Variants in AMY2A observed in about 807,000 individuals in gnomAD.
The protein encoded by AMY2A is amylase alpha 2A, also known as pancreatic alpha-amylase.
AMY2A carries 16 observed loss-of-function variants against 43.0 expected under a neutral mutation model. That is an observed-to-expected ratio of 0.37 (90% CI 0.25 to 0.56). The LOEUF (loss-of-function observed/expected upper bound fraction) is 0.56, where lower values mean the gene tolerates loss of function less well. AMY2A is among the 20% of genes least tolerant of loss of function. The pLI, the probability that AMY2A is intolerant of heterozygous loss-of-function variation, is 0.77. For synonymous variants in AMY2A, 70 were observed against 144.6 expected (o/e 0.48, Z 3.70); for missense variants, 212 against 456.8 (o/e 0.46, Z 4.89).
At chr1:103,619,876 A>G in intron 4 of AMY2A, 92 bp downstream of exon 4, 1 of 1,544,262 alleles carries the variant, frequency 6.5e-7, no homozygotes. Context: ...CTGTAGGATA[A>G]GGAATGAGAC....
upstream of AMY2A, chr1:103,617,187 C>A: frequency 1.9e-6 from 2 of 1,050,860 alleles, no homozygotes; most frequent in East Asian, 5.8e-5. Context: ...CAACAGGTCA[C>A]TGTTTAAGGA....
rs760979631 is a variant in AMY2A, at chr1:103,619,839, T to G, written c.744+55T>G. 1.2e-5 allele frequency: 19 copies of G among 1,595,158 alleles called. No homozygotes were observed. In the African/African-American group the frequency reaches 1.8e-4, roughly 15 times the overall value. On this transcript the variant is annotated intron_variant, in intron 4 of 9. Coordinates refer to ENST00000414303, the MANE Select transcript of AMY2A (RefSeq NM_000699.4). ...ATCATCTTATTCGTTAGAAAATTAATGGAAGATTTAATTAAAAATGCAATT... is the reference window on the plus strand; with the variant it reads ...ATCATCTTATTCGTTAGAAAATTAAGGGAAGATTTAATTAAAAATGCAATT...
upstream of AMY2A, chr1:103,616,827 T>G (rs1260098428): frequency 9.5e-5 from 24 of 253,898 alleles, 1 homozygote; most frequent in Admixed American, 3.8e-4. Context: ...GGTGAGTCTG[T>G]GCGGCCAGCA....
chr1:103,623,179 A>G (rs1190781222), intron 7 of AMY2A, among the ~76,000 whole-genome samples: 1 of 104,908 alleles, frequency 9.5e-6, no homozygotes, highest in Admixed American at 8.9e-5. Context: ...ACAAATGAAG[A>G]AACTGAGACA....
chr1:103,617,084 T>G (rs1653096283), upstream of AMY2A: 3 of 1,002,028 alleles, frequency 3.0e-6, no homozygotes, highest in Non-Finnish European at 3.8e-6. Context: ...CCTTTTAATT[T>G]ATGTAAAGTT....
chr1:103,617,095 T>A, upstream of AMY2A: 1 of 978,512 alleles, frequency 1.0e-6, no homozygotes, highest in Non-Finnish European at 1.3e-6. Flanking sequence ...ATGTAAAGTT[T>A]TTTTGTATGC....
chr1:103,620,019 A>T lies in AMY2A; in HGVS notation c.744+235A>T, dbSNP rs1380047135. On this transcript the variant is annotated intron_variant, in intron 4 of 9. Coordinates refer to ENST00000414303, the MANE Select transcript of AMY2A (RefSeq NM_000699.4). ...ATAGTTATGTCTTTACTTTCTTTGG[A>T]TAATGAAACAAGTTAATATTTATCA... is the stretch of plus-strand genomic sequence containing the variant. Among the ~76,000 whole-genome samples the T allele has an allele frequency of 5.3e-5, 8 of 151,330 alleles. No individual in the cohort carries two copies. In the South Asian group the frequency reaches 1.7e-3, roughly 32 times the overall value.
intron 4 of AMY2A, 130 bp downstream of exon 4, chr1:103,619,914 T>A: frequency 1.4e-6 from 2 of 1,469,112 alleles, no homozygotes; most frequent in South Asian, 2.4e-5. Context: ...TTCTTTAACC[T>A]CCTCTTCTTC....
intron 2 of AMY2A, 99 bp from the exon 3 acceptor site, chr1:103,618,812 A>G: frequency 7.3e-7 from 1 of 1,364,750 alleles, no homozygotes; most frequent in Non-Finnish European, 1.0e-6. Context: ...ATCATGAAAT[A>G]TTTTGGAGTT....
chr1:103,616,830 G>A (rs141684062), upstream of AMY2A: 41 of 264,160 alleles, frequency 1.6e-4, 1 homozygote, highest in East Asian at 3.6e-3. Flanking sequence ...GAGTCTGTGC[G>A]GCCAGCAGTC....
intron 2 of AMY2A, 136 bp from the exon 3 acceptor site, chr1:103,618,775 G>T (rs1476911930): frequency 6.0e-6 from 9 of 1,488,976 alleles, no homozygotes; most frequent in Non-Finnish European, 7.3e-6. Context: ...GTTGATTTTT[G>T]ATCTTGTAGG....
intron 1 of AMY2A, 99 bp from the exon 2 acceptor site, chr1:103,617,855 A>G (rs1653121784): frequency 6.4e-7 from 1 of 1,572,392 alleles, no homozygotes; most frequent in Non-Finnish European, 8.6e-7. Context: ...GCCTATACCA[A>G]GATTCAAGAA....
Position 103,623,521 on chromosome 1 carries a change from A to G in AMY2A, c.1102-345A>G, listed in dbSNP as rs309661. 7.4e-4 allele frequency among the ~76,000 whole-genome samples: 58 copies of G among 78,740 alleles called. 2 individuals carry two copies. The highest frequency in any genetic ancestry group is 8.5e-3 in the Middle Eastern group (1 of 118). The allele number at this position is 78,740 out of a possible 152,430, so 51.7% of individuals were successfully genotyped here. A position where few individuals can be genotyped will look rare whatever the true frequency, so the allele number is the denominator to read the frequency against. ...TCTTAGCTACTTAGGAGGCTGAGAT[A>G]GGAGGATCGCTTGAGCCTGGGAGAT... On this transcript the variant is annotated intron_variant, in intron 7 of 9. Coordinates refer to ENST00000414303, the MANE Select transcript of AMY2A (RefSeq NM_000699.4).
At position 103,619,968 on chromosome 1, in the gene AMY2A, G is replaced by T. The variant is rs371663730; in HGVS notation, c.744+184G>T. The stretch of plus-strand genomic sequence containing the variant: ...TCTTTATCACAACATGTTTTATGGA[G>T]GTACACAGAATGTAGGATACTGATA... On this transcript the variant is annotated intron_variant, in intron 4 of 9. Transcript: ENST00000414303. The T allele has an allele frequency of 2.6e-4, 355 of 1,340,250 alleles. 4 individuals are homozygous for T. The Admixed American group carries it at 3.9e-3, about 15-fold the overall frequency. The allele number at this position is 1,340,250 out of a possible 1,614,324, so 83.0% of individuals were successfully genotyped here. A position where few individuals can be genotyped will look rare whatever the true frequency, so the allele number is the denominator to read the frequency against.
At chr1:103,618,278 G>A (rs560524847) in intron 2 of AMY2A, among the ~76,000 whole-genome samples, 178 bp downstream of exon 2, 3 of 150,614 alleles carry the variant, frequency 2.0e-5, no homozygotes, top group African/African-American at 7.3e-5. Context: ...ATTTGTGTGT[G>A]TGCTATCTAC....
chr1:103,617,092 G>GT (rs200504746), upstream of AMY2A: 5 of 997,644 alleles, frequency 5.0e-6, no homozygotes, highest in Admixed American at 8.9e-5. Context: ...TTTATGTAAA[G>GT]TTTTTTTGTA....
intron 9 of AMY2A, among the ~76,000 whole-genome samples, chr1:103,624,837 C>T (rs1238587860): frequency 7.7e-6 from 1 of 129,510 alleles, no homozygotes; most frequent in Non-Finnish European, 1.7e-5. Flanking sequence ...ATATGCTTTA[C>T]CTGAAGCATA....
chr1:103,617,690 G>A, intron 1 of AMY2A, 82 bp downstream of exon 1: 2 of 1,595,732 alleles, frequency 1.3e-6, no homozygotes, highest in Non-Finnish European at 8.6e-7. Flanking sequence ...TGAAGCTTGG[G>A]CAACATTTTA....
Position 103,617,976 on chromosome 1 carries a change from T to A in AMY2A, c.191T>A (p.Val64Asp), listed in dbSNP as rs374867966. 6.2e-7 allele frequency: 1 copy of A among 1,600,572 alleles called. No individual in the cohort carries two copies. Among genetic ancestry groups the A allele is most frequent in the Admixed American group, 1.7e-5 (1 of 59,670 alleles). Residue 64 changes from valine to aspartate, a missense_variant, in exon 2 of 10, where the codon GTT (valine) becomes GAT (aspartate). Physicochemically the swap from Val to Asp is radical, Grantham distance 152. This residue lies in a region of AMY2A where 199 missense variants were observed against 210.6 expected (regional missense o/e 0.94). Transcript: ENST00000414303. ...TAGGTCTCTCCACCAAATGAAAATG[T>A]TGCAATTTACAACCCTTTCAGACCT... ...GVQVSPPNEN[V>D]AIYNPFRPWW...
Sources: allele counts gnomAD v4.1 joint callset (sites outside exome capture counted in the v4.1 genomes callset), GRCh38; gene constraint gnomAD v4.1.1; regional missense constraint gnomAD v4.1.1; transcripts MANE v1.5; gene names NCBI Gene and HGNC (gene_info 2026-07-23, HGNC 2026-07-21).